The following RNF2 variants were observed in gnomAD, a reference collection of about 807,000 sequenced individuals.
RNF2 encodes the protein ring finger protein 2.
Under a neutral mutation model 37.2 loss-of-function variants are expected in RNF2, and 6 were observed. The ratio of observed to expected loss-of-function variants is 0.16; its 90% confidence interval spans 0.09 to 0.32. RNF2 has a LOEUF of 0.32. Ranked by LOEUF, RNF2 falls within the 10% of genes least tolerant of loss-of-function variation. RNF2 has a pLI of 1.00. For synonymous variants in RNF2, 133 were observed against 132.7 expected (o/e 1.00, Z -0.02); for missense variants, 251 against 404.0 (o/e 0.62, Z 3.25).
intron 1 of RNF2, among the ~76,000 whole-genome samples, chr1:185,060,686 G>T (rs946392857): frequency 2.0e-5 from 3 of 152,226 alleles, no homozygotes; most frequent in Admixed American, 1.3e-4. Context: ...GGATGAATCA[G>T]TAGACTGGAA....
intron 2 of RNF2, among the ~76,000 whole-genome samples, chr1:185,088,838 G>A (rs1330270299): frequency 6.6e-6 from 1 of 152,076 alleles, no homozygotes; most frequent in Non-Finnish European, 1.5e-5. Context: ...TGCTGTATGG[G>A]CATTGTATTA....
intron 1 of RNF2, among the ~76,000 whole-genome samples, chr1:185,067,625 A>G (rs1353517379): frequency 1.3e-5 from 2 of 152,012 alleles, no homozygotes; most frequent in African/African-American, 4.8e-5. Context: ...TCTTTGTTTC[A>G]TAGTGCTTAG....
chr1:185,048,700 A>G (rs1381552039), intron 1 of RNF2, among the ~76,000 whole-genome samples: 2 of 152,086 alleles, frequency 1.3e-5, no homozygotes, highest in Non-Finnish European at 2.9e-5. Context: ...TTTCTATGCT[A>G]TAGAGTGGAG....
In RNF2 at chr1:185,099,894, A is replaced by G. The variant is rs1360007348; in HGVS notation, c.841A>G (p.Met281Val). The part of the protein sequence containing the change: ...ELRSKGESNQ[M>V]NLDTASEKQY... ...TCGAAGCAAAGGTGAATCAAACCAG[A>G]TGAACCTTGATACAGCCAGTGAGAA... is the stretch of plus-strand genomic sequence containing the variant. Residue 281 changes from methionine to valine, a missense_variant, in exon 6 of 7, where the codon ATG becomes GTG. This residue lies in a region of RNF2 where 59 missense variants were observed against 69.1 expected (regional missense o/e 0.85). Transcript: ENST00000367510. 2.5e-6 allele frequency: 4 copies of G among 1,614,130 alleles called. No homozygotes were observed. The highest frequency in any genetic ancestry group is 3.4e-6 in the Non-Finnish European group (4 of 1,179,986).
At chr1:185,080,775 C>T (rs1191033418) in intron 1 of RNF2, among the ~76,000 whole-genome samples, 1 of 152,166 alleles carries the variant, frequency 6.6e-6, no homozygotes, top group Admixed American at 6.5e-5. Context: ...ATACAGATAT[C>T]CAAATCAGAT....
chr1:185,063,806 C>T (rs925725875), intron 1 of RNF2, among the ~76,000 whole-genome samples: 4 of 152,166 alleles, frequency 2.6e-5, no homozygotes. Flanking sequence ...CTTCCATCTT[C>T]AGGCCAGCTT....
At chr1:185,071,081 T>G (rs944508739) in intron 1 of RNF2, among the ~76,000 whole-genome samples, 1 of 152,102 alleles carries the variant, frequency 6.6e-6, no homozygotes, top group Admixed American at 6.6e-5. Flanking sequence ...AATGATGGAA[T>G]AAAGGAGGGA....
At chr1:185,092,696 A>T (rs1651803034) in intron 3 of RNF2, among the ~76,000 whole-genome samples, 1 of 152,114 alleles carries the variant, frequency 6.6e-6, no homozygotes, top group African/African-American at 2.4e-5. Context: ...AAAATAATTT[A>T]TTACATATAA....
chr1:185,074,001 T>C (rs1651066951), intron 1 of RNF2, among the ~76,000 whole-genome samples: 1 of 152,200 alleles, frequency 6.6e-6, no homozygotes, highest in Non-Finnish European at 1.5e-5. Flanking sequence ...CAATTGGCTA[T>C]AAGTTGGGGA....
intron 1 of RNF2, among the ~76,000 whole-genome samples, chr1:185,047,051 T>A (rs895302168): frequency 7.9e-4 from 120 of 152,366 alleles, no homozygotes; most frequent in African/African-American, 2.8e-3. Flanking sequence ...AAAATCTTGA[T>A]TGTACTCTTA....
intron 2 of RNF2, among the ~76,000 whole-genome samples, chr1:185,087,977 T>C (rs193016223): frequency 9.6e-4 from 146 of 152,334 alleles, no homozygotes; most frequent in African/African-American, 3.4e-3. Flanking sequence ...TAATAAGTAC[T>C]GATAAGGCAC....
intron 1 of RNF2, chr1:185,071,859 G>A (rs1297250802): frequency 2.0e-5 from 3 of 152,524 alleles, no homozygotes; most frequent in African/African-American, 4.8e-5. Flanking sequence ...TTGATATGCC[G>A]AAGGAATATT....
rs58838852 is a variant in RNF2 at position 185,101,854 on chromosome 1, T to TTTTG, written c.*1553_*1554insTTTG. On this transcript the variant is annotated 3_prime_UTR_variant, in exon 7 of 7. Coordinates refer to ENST00000367510, the MANE Select transcript of RNF2 (RefSeq NM_007212.4). ...AGGGTTTTTTTTTTTTTTTTTTTTT[T>TTTTG]GTAATCTGTGCCATGAAATTTGAAA... The TTTTG allele has an allele frequency of 2.7e-5, 3 of 111,928 alleles. No individual in the cohort carries two copies. Among genetic ancestry groups the TTTTG allele is most frequent in the East Asian group, 5.1e-4 (2 of 3,928 alleles). 6.9% of individuals were successfully genotyped at this position (111,928 alleles called of 1,614,324 possible).
At chr1:185,086,081 T>C (rs1229681228) in intron 1 of RNF2, among the ~76,000 whole-genome samples, 1 of 152,192 alleles carries the variant, frequency 6.6e-6, no homozygotes, top group Non-Finnish European at 1.5e-5. Flanking sequence ...TTTTTTCCTT[T>C]AAGCTCTGTT....
At chr1:185,050,834 C>T (rs2102149697) in intron 1 of RNF2, among the ~76,000 whole-genome samples, 1 of 152,278 alleles carries the variant, frequency 6.6e-6, no homozygotes, top group South Asian at 2.1e-4. Context: ...CTTTTGATGG[C>T]TAAATAAAAT....
chr1:185,059,475 T>G (rs2102159157), intron 1 of RNF2, among the ~76,000 whole-genome samples: 1 of 152,328 alleles, frequency 6.6e-6, no homozygotes, highest in African/African-American at 2.4e-5. Context: ...GTAGCTGTCC[T>G]TGTAGCGCAG....
chr1:185,066,234 T>C (rs1390009413), intron 1 of RNF2, among the ~76,000 whole-genome samples: 3 of 152,340 alleles, frequency 2.0e-5, no homozygotes, highest in East Asian at 1.9e-4. Context: ...TTGTATTGCA[T>C]ACTAGGCCTC....
rs77552067 is a variant in RNF2, at chr1:185,077,727, T to G, written c.-2-9825T>G. On this transcript the variant is annotated intron_variant, in intron 1 of 6. Coordinates refer to ENST00000367510, the MANE Select transcript of RNF2 (RefSeq NM_007212.4). ...TCTGTTTTGTTTTGTTTTTTTTTTT[T>G]GGGCTGTTGTTGTTTGATTTCAGCT... Among the ~76,000 whole-genome samples, 143 of 151,652 alleles carry G rather than the reference T, an allele frequency of 9.4e-4. 2 individuals carry two copies. In the South Asian group the frequency reaches 0.026, roughly 28 times the overall value.
At chr1:185,059,956 T>C (rs1244108791) in intron 1 of RNF2, among the ~76,000 whole-genome samples, 1 of 152,244 alleles carries the variant, frequency 6.6e-6, no homozygotes, top group East Asian at 1.9e-4. Flanking sequence ...GCCAACAGAC[T>C]GTGGCCTTCC....
Sources: gnomAD v4.1 joint callset for allele counts (sites outside exome capture counted in the v4.1 genomes callset) on GRCh38, gnomAD v4.1.1 for gene constraint, gnomAD v4.1.1 regional missense constraint, MANE v1.5 for transcripts, NCBI Gene and HGNC (gene_info 2026-07-23, HGNC 2026-07-21) for gene names.